The following LTBP1 variants were observed in gnomAD, a reference collection of about 807,000 sequenced individuals.
LTBP1 encodes the protein latent-transforming growth factor beta-binding protein 1.
LTBP1 carries 129 observed loss-of-function variants against 207.6 expected under a neutral mutation model. That is an observed-to-expected ratio of 0.62 (90% CI 0.54 to 0.72). LTBP1 has a LOEUF of 0.72. Ranked by LOEUF, LTBP1 falls within the 30% of genes least tolerant of loss-of-function variation. The probability of loss-of-function intolerance (pLI) is 0.00; values close to 1 mark genes in which losing one functional copy is unlikely to be tolerated. For missense variants in LTBP1, 2,281 were observed against 2,217.2 expected (o/e 1.03, Z -0.58); for synonymous variants, 963 against 833.7 (o/e 1.16, Z -2.67).
chr2:33,267,606 T>A (rs1008370793), intron 15 of LTBP1, among the ~76,000 whole-genome samples: 2 of 152,142 alleles, frequency 1.3e-5, no homozygotes, highest in Admixed American at 6.5e-5. Flanking sequence ...TTTATAGTAA[T>A]GTTAAAAAGA....
chr2:33,348,398 T>C (rs1164689469), intron 26 of LTBP1, among the ~76,000 whole-genome samples: 1 of 152,210 alleles, frequency 6.6e-6, no homozygotes, highest in African/African-American at 2.4e-5. Flanking sequence ...TAGAATTAAA[T>C]GAACAGGCTA....
rs183726734 is a variant in LTBP1, at chr2:33,175,870, T to C, written c.1202-10986T>C. On this transcript the variant is annotated intron_variant, in intron 5 of 33. Transcript: ENST00000404816. ...GTCCTTTGTAGGGACATGGATGAAA[T>C]TGGAAATCATCATTCTCAGTAAACG... 1.7e-3 allele frequency among the ~76,000 whole-genome samples: 245 copies of C among 143,328 alleles called. 3 individuals are homozygous for C. Among genetic ancestry groups the C allele is most frequent in the African/African-American group, 6.1e-3 (235 of 38,808 alleles). The allele number at this position is 143,328 out of a possible 152,430, so 94.0% of individuals were successfully genotyped here. A position where few individuals can be genotyped will look rare whatever the true frequency, so the allele number is the denominator to read the frequency against.
chr2:33,072,208 A>T (rs2077826100), intron 3 of LTBP1, among the ~76,000 whole-genome samples: 1 of 152,176 alleles, frequency 6.6e-6, no homozygotes, highest in Non-Finnish European at 1.5e-5. Flanking sequence ...ATTGCAAAGG[A>T]TACAGACGAA....
intron 9 of LTBP1, among the ~76,000 whole-genome samples, chr2:33,242,696 A>G (rs1209800387): frequency 6.6e-6 from 1 of 152,026 alleles, no homozygotes; most frequent in Non-Finnish European, 1.5e-5. Flanking sequence ...AAAAAAAAAA[A>G]AAAAAAAGAT....
Position 33,148,194 on chromosome 2 carries a change from T to A in LTBP1, c.1201+13234T>A, listed in dbSNP as rs555872841. On this transcript the variant is annotated intron_variant, in intron 5 of 33. Transcript: ENST00000404816. The stretch of plus-strand genomic sequence containing the variant: ...AGATATATTTGCGTAGGTCCATCCT[T>A]ATTCTTGTTAAGCCCTACTTGGGAT... 1.4e-3 allele frequency among the ~76,000 whole-genome samples: 211 copies of A among 152,338 alleles called. 3 individuals carry two copies. The highest frequency in any genetic ancestry group is 3.4e-3 in the Middle Eastern group (1 of 294).
At chr2:32,998,290 G>A (rs1372396565) in intron 2 of LTBP1, among the ~76,000 whole-genome samples, 1 of 152,002 alleles carries the variant, frequency 6.6e-6, no homozygotes, top group Non-Finnish European at 1.5e-5. Context: ...GGCTGAGGTG[G>A]GCAGATCATG....
At chr2:33,106,355 C>A (rs1002191368) in intron 3 of LTBP1, among the ~76,000 whole-genome samples, 1 of 152,166 alleles carries the variant, frequency 6.6e-6, no homozygotes. Flanking sequence ...AATGGCAAAT[C>A]CTTTCCAGAT....
chr2:33,389,284 C>T lies in LTBP1; in HGVS notation c.4812C>T (p.Ala1604=), dbSNP rs978037436. The T allele has an allele frequency of 2.5e-6, 4 of 1,614,016 alleles. No homozygotes were observed. The highest frequency in any genetic ancestry group is 2.5e-6 in the Non-Finnish European group (3 of 1,180,024). ...TCAGTGAACAGTATACTCCAGAAGC[C>T]GATCCCTACTTCATCCAAGACCGTA... The part of the protein sequence containing the change: ...VDFSEQYTPE[A]DPYFIQDRFL... The change falls in exon 32 of 34, where the codon GCC becomes GCT. Residue 1604 remains alanine, a synonymous_variant. Coordinates refer to ENST00000404816, the MANE Select transcript of LTBP1 (RefSeq NM_206943.4).
chr2:33,211,512 T>C (rs2090311937), intron 7 of LTBP1, among the ~76,000 whole-genome samples: 2 of 152,176 alleles, frequency 1.3e-5, no homozygotes, highest in African/African-American at 4.8e-5. Context: ...TCAGAGAGGT[T>C]GGATGATTTG....
chr2:33,184,140 A>G (rs896273888), intron 5 of LTBP1, among the ~76,000 whole-genome samples: 2 of 152,152 alleles, frequency 1.3e-5, no homozygotes, highest in East Asian at 1.9e-4. Flanking sequence ...TTCAATTGCT[A>G]TAATAGTTTC....
At chr2:33,043,167 T>A (rs1216224023) in intron 3 of LTBP1, among the ~76,000 whole-genome samples, 2 of 152,202 alleles carry the variant, frequency 1.3e-5, no homozygotes, top group African/African-American at 4.8e-5. Flanking sequence ...ATGTCTCAGC[T>A]TGAAAACATT....
intron 3 of LTBP1, among the ~76,000 whole-genome samples, chr2:33,049,820 G>C (rs1273343613): frequency 6.6e-6 from 1 of 151,934 alleles, no homozygotes; most frequent in Non-Finnish European, 1.5e-5. Context: ...TGTATATTTT[G>C]GAGGTTAGGC....
intron 31 of LTBP1, among the ~76,000 whole-genome samples, chr2:33,377,882 A>AC (rs2095161282): frequency 6.6e-6 from 1 of 152,092 alleles, no homozygotes; most frequent in African/African-American, 2.4e-5. Context: ...CACACTTGAA[A>AC]CCATCAACTC....
chr2:33,239,658 C>T (rs1009479213), intron 9 of LTBP1, among the ~76,000 whole-genome samples: 27 of 150,890 alleles, frequency 1.8e-4, no homozygotes, highest in Admixed American at 2.0e-4. Flanking sequence ...TTTGGGAGGC[C>T]GAGGTGGGCG....
At chr2:33,315,799 T>A (rs1374809855) in intron 24 of LTBP1, among the ~76,000 whole-genome samples, 2 of 152,090 alleles carry the variant, frequency 1.3e-5, no homozygotes, top group Admixed American at 1.3e-4. Context: ...TAGCCAGGTG[T>A]GGTGGTGGGT....
rs564087838 is a variant in LTBP1 at position 33,243,780 on chromosome 2, T to C, written c.1995T>C (p.Cys665=). 6.2e-7 allele frequency: 1 copy of C among 1,613,906 alleles called. No individual in the cohort carries two copies. The highest frequency in any genetic ancestry group is 8.5e-7 in the Non-Finnish European group (1 of 1,179,910). The change falls in exon 10 of 34, where the codon TGT becomes TGC. Residue 665 remains cysteine, a synonymous_variant. Transcript: ENST00000404816. ...GFGPDPTFSS[C]VPDPPVISEE... ...GGCCGGATCCTACCTTTTCAAGTTG[T>C]GTTCGTAAGTAATAATCACTTTTTA...
At chr2:33,164,193 A>G (rs892155406) in intron 5 of LTBP1, among the ~76,000 whole-genome samples, 9 of 151,686 alleles carry the variant, frequency 5.9e-5, no homozygotes, top group African/African-American at 2.2e-4. Context: ...TACTAAAAAT[A>G]CAAAAATTAG....
In LTBP1 at chr2:33,169,668, G is replaced by A. The variant is rs1249112612; in HGVS notation, c.1202-17188G>A. On this transcript the variant is annotated intron_variant, in intron 5 of 33. Coordinates refer to ENST00000404816, the MANE Select transcript of LTBP1 (RefSeq NM_206943.4). The stretch of plus-strand genomic sequence containing the variant: ...TATAGAAAAGCAGCAAACAAAATTT[G>A]TATAATCCAGACAAACTAAAATAAA... Among the ~76,000 whole-genome samples, 3 of 152,134 alleles carry A rather than the reference G, an allele frequency of 2.0e-5. No individual in the cohort carries two copies. The East Asian group carries it at 5.8e-4, about 29-fold the overall frequency.
chr2:33,365,227 C>T (rs755075683), intron 30 of LTBP1, 106 bp from the exon 31 acceptor site: 5 of 954,744 alleles, frequency 5.2e-6, no homozygotes, highest in Admixed American at 2.1e-5. Flanking sequence ...TTGGAAGTCA[C>T]TCTTAGAAAT....
Sources: allele counts gnomAD v4.1 joint callset (sites outside exome capture counted in the v4.1 genomes callset), GRCh38; gene constraint gnomAD v4.1.1; transcripts MANE v1.5; gene names NCBI Gene and HGNC (gene_info 2026-07-23, HGNC 2026-07-21).